Variants in MYO18B observed in about 807,000 individuals in gnomAD.
The protein encoded by MYO18B is myosin XVIIIB, also known as unconventional myosin-XVIIIb.
MYO18B carries 204 observed loss-of-function variants against 273.0 expected under a neutral mutation model. The ratio of observed to expected loss-of-function variants is 0.75; its 90% CI spans 0.67 to 0.84. MYO18B has a LOEUF of 0.84. MYO18B is among the 40% of genes least tolerant of loss of function. The pLI is 0.00. For synonymous variants in MYO18B, 1,330 were observed against 1,305.7 expected (o/e 1.02, Z -0.40); for missense variants, 3,212 against 3,287.6 (o/e 0.98, Z 0.56).
chr22:25,855,830 T>A (rs2090556277), intron 21 of MYO18B, among the ~76,000 whole-genome samples: 1 of 152,116 alleles, frequency 6.6e-6, no homozygotes, highest in Non-Finnish European at 1.5e-5. Flanking sequence ...TCTTTCTTTT[T>A]TTTTTTTTTG....
chr22:25,916,038 A>C (rs543064621), intron 33 of MYO18B, among the ~76,000 whole-genome samples: 1 of 152,328 alleles, frequency 6.6e-6, no homozygotes, highest in East Asian at 1.9e-4. Flanking sequence ...ACACAAATTC[A>C]GGTATTATTC....
intron 39 of MYO18B, among the ~76,000 whole-genome samples, chr22:25,966,506 G>C (rs766398485): frequency 1.3e-5 from 2 of 152,114 alleles, no homozygotes; most frequent in Admixed American, 6.5e-5. Context: ...GCCATGAGCC[G>C]GGTGTAAATA....
At chr22:25,906,938 A>C (rs1204717182) in intron 31 of MYO18B, among the ~76,000 whole-genome samples, 1 of 152,222 alleles carries the variant, frequency 6.6e-6, no homozygotes, top group Non-Finnish European at 1.5e-5. Context: ...AATTATGGGA[A>C]TTAAAATTCA....
rs576342076 is a variant in MYO18B, at chr22:25,743,568, A to C, written c.-110+1275A>C. On this transcript the variant is annotated intron_variant, in intron 1 of 43. Transcript: ENST00000335473. ...AGGAGGAGAAGAATAATAGCAAAGGAAAAGGCCAAAAGAAAAGGCCAAGTG... is the reference window on the plus strand; with the variant it reads ...AGGAGGAGAAGAATAATAGCAAAGGCAAAGGCCAAAAGAAAAGGCCAAGTG... 2.0e-5 allele frequency among the ~76,000 whole-genome samples: 3 copies of C among 152,218 alleles called. No individual in the cohort carries two copies. In the South Asian group the frequency reaches 6.2e-4, roughly 32 times the overall value.
intron 23 of MYO18B, 24 bp downstream of exon 23, chr22:25,874,438 G>T: frequency 6.2e-7 from 1 of 1,606,020 alleles, no homozygotes; most frequent in Non-Finnish European, 8.5e-7. Context: ...TTCCCATGAG[G>T]AGTCTGATCC....
At chr22:25,807,400 C>T (rs941141966) in intron 12 of MYO18B, among the ~76,000 whole-genome samples, 3 of 152,200 alleles carry the variant, frequency 2.0e-5, no homozygotes, top group African/African-American at 7.2e-5. Context: ...GGAATCAGCC[C>T]CAAAGCCCAT....
chr22:26,021,060 G>A (rs2146988378), intron 42 of MYO18B, among the ~76,000 whole-genome samples: 1 of 152,326 alleles, frequency 6.6e-6, no homozygotes, highest in South Asian at 2.1e-4. Context: ...CTGCTCTCCA[G>A]CCTGGGTGAT....
chr22:26,052,063 G>A, the MYO18B span, among the ~76,000 whole-genome samples: 1 of 152,156 alleles, frequency 6.6e-6, no homozygotes, highest in Non-Finnish European at 1.5e-5. Flanking sequence ...ATATGTTTGA[G>A]GTCATTTGTG....
chr22:25,772,231 CA>C, intron 6 of MYO18B, 102 bp from the exon 7 acceptor site: 1 of 1,084,992 alleles, frequency 9.2e-7, no homozygotes, highest in East Asian at 2.5e-5. Context: ...ACATAGCTCT[CA>C]AGAGGAGGGC....
At chr22:25,967,228 G>T (rs753435033) in intron 39 of MYO18B, among the ~76,000 whole-genome samples, 3 of 152,160 alleles carry the variant, frequency 2.0e-5, no homozygotes, top group Admixed American at 6.5e-5. Flanking sequence ...AAAGGGGAGA[G>T]ATATTGATTG....
chr22:25,752,818 G>T (rs2085974358), intron 1 of MYO18B, among the ~76,000 whole-genome samples: 1 of 152,336 alleles, frequency 6.6e-6, no homozygotes, highest in African/African-American at 2.4e-5. Flanking sequence ...TCTGCTTGCC[G>T]GGAGGTGTGG....
At chr22:25,948,497 TTTCC>T (rs1569225531) in intron 36 of MYO18B, among the ~76,000 whole-genome samples, 1 of 131,764 alleles carries the variant, frequency 7.6e-6, no homozygotes, top group East Asian at 2.2e-4. Flanking sequence ...TCTTTCTTTC[TTTCC>T]TCTCTTTTCT....
intron 21 of MYO18B, among the ~76,000 whole-genome samples, chr22:25,854,068 G>T (rs1194742111): frequency 1.3e-5 from 2 of 152,096 alleles, no homozygotes; most frequent in Non-Finnish European, 2.9e-5. Flanking sequence ...AGCTAGAAAA[G>T]GTCAATATTG....
At chr22:25,908,523 C>A in intron 32 of MYO18B, 91 bp downstream of exon 32, 1 of 1,060,594 alleles carries the variant, frequency 9.4e-7, no homozygotes, top group Non-Finnish European at 1.4e-6. Flanking sequence ...AGGACAGGGT[C>A]TGGGATCTGG....
downstream of MYO18B, among the ~76,000 whole-genome samples, chr22:26,032,171 T>C (rs1936681365): frequency 6.6e-6 from 1 of 152,212 alleles, no homozygotes. Flanking sequence ...GAACAACAGT[T>C]ACTAAACTCT....
intron 39 of MYO18B, among the ~76,000 whole-genome samples, chr22:25,984,853 A>G (rs898546365): frequency 1.3e-5 from 2 of 151,824 alleles, no homozygotes; most frequent in South Asian, 2.1e-4. Flanking sequence ...ATGCTGGCAG[A>G]TGAAGCACAG....
In MYO18B at chr22:25,775,229, T is replaced by G. The variant is rs571898158; in HGVS notation, c.1870-2354T>G. 2.6e-5 allele frequency among the ~76,000 whole-genome samples: 4 copies of G among 152,316 alleles called. No individual in the cohort carries two copies. In the South Asian group the frequency reaches 8.3e-4, roughly 32 times the overall value. On this transcript the variant is annotated intron_variant, in intron 7 of 43. Coordinates refer to ENST00000335473, the MANE Select transcript of MYO18B (RefSeq NM_032608.7). Reference sequence around the variant, plus strand: ...TGTGGGGGCATATCCCTCCTTTGCCTGCATTAGGTTCCTGCTGAGCCCTAC... The same window carrying G: ...TGTGGGGGCATATCCCTCCTTTGCCGGCATTAGGTTCCTGCTGAGCCCTAC...
intron 42 of MYO18B, among the ~76,000 whole-genome samples, chr22:26,005,384 A>T (rs1230476330): frequency 6.6e-6 from 1 of 152,148 alleles, no homozygotes; most frequent in East Asian, 1.9e-4. Context: ...CTTTATTTTT[A>T]ATTTTATAAT....
chr22:25,889,587 A>G (rs961813033), intron 25 of MYO18B, among the ~76,000 whole-genome samples: 11 of 150,268 alleles, frequency 7.3e-5, no homozygotes, highest in African/African-American at 2.7e-4. Context: ...GCTGCCTTCC[A>G]TAAGAGGTAG....
Sources: allele counts gnomAD v4.1 joint callset (sites outside exome capture counted in the v4.1 genomes callset), GRCh38; gene constraint gnomAD v4.1.1; transcripts MANE v1.5; gene names NCBI Gene and HGNC (gene_info 2026-07-23, HGNC 2026-07-21).